CACNA2D3: variants seen among roughly 807,000 people sequenced by gnomAD.
The protein encoded by CACNA2D3 is voltage-dependent calcium channel subunit alpha-2/delta-3.
In CACNA2D3, 60 loss-of-function variants were observed where a neutral mutation model predicts 160.6. The ratio of observed to expected loss-of-function variants is 0.37; its 90% CI spans 0.30 to 0.46. The LOEUF (loss-of-function observed/expected upper bound fraction) is 0.46, where lower values mean the gene tolerates loss of function less well. Ranked by LOEUF, CACNA2D3 falls within the 20% of genes least tolerant of loss-of-function variation. The pLI is 1.00. For missense variants in CACNA2D3, 1,205 were observed against 1,365.0 expected, an observed-to-expected ratio of 0.88 and a Z score of 1.85; for synonymous variants, 558 against 492.9, an observed-to-expected ratio of 1.13 and a Z score of -1.75.
At chr3:54,728,451 G>C (rs992531338) in intron 11 of CACNA2D3, among the ~76,000 whole-genome samples, 1 of 151,980 alleles carries the variant, frequency 6.6e-6, no homozygotes, top group Admixed American at 6.6e-5. Context: ...CTTTTCATCT[G>C]TTTCCTTCAA....
rs73843731 is a variant in CACNA2D3 at position 54,873,596 on chromosome 3, A to G, written c.1710+1974A>G. ...TTGCTTTCTCGTTGGAGCTGCAGGC[A>G]TTGGATTCGCAGCCTCACGTGTGTG... is the stretch of plus-strand genomic sequence containing the variant. On this transcript the variant is annotated intron_variant, in intron 18 of 37. Transcript: ENST00000474759. 9.9e-3 allele frequency among the ~76,000 whole-genome samples: 1,500 copies of G among 152,228 alleles called. 25 individuals are homozygous for G. Among genetic ancestry groups the G allele is most frequent in the African/African-American group, 0.034 (1,421 of 41,530 alleles).
chr3:54,125,523 G>A (rs1233156121), intron 2 of CACNA2D3, among the ~76,000 whole-genome samples: 1 of 152,144 alleles, frequency 6.6e-6, no homozygotes, highest in Non-Finnish European at 1.5e-5. Context: ...GGTGTTGCTT[G>A]GCATTGCGTT....
intron 12 of CACNA2D3, among the ~76,000 whole-genome samples, chr3:54,763,394 T>G (rs961021803): frequency 6.6e-6 from 1 of 152,032 alleles, no homozygotes; most frequent in Non-Finnish European, 1.5e-5. Flanking sequence ...AGGGACAACG[T>G]TGATCAAGTG....
At position 55,053,789 on chromosome 3, in the gene CACNA2D3, T is replaced by C. The variant is rs567497479; in HGVS notation, c.2988-19656T>C. On this transcript the variant is annotated intron_variant, in intron 35 of 37. Coordinates refer to ENST00000474759, the MANE Select transcript of CACNA2D3 (RefSeq NM_018398.3). Reference sequence around the variant, plus strand: ...AATTTTATGTCCTTTCTTGCCTTACTGCACAGGCTGTAACTTCAAGTACAA... The same window carrying C: ...AATTTTATGTCCTTTCTTGCCTTACCGCACAGGCTGTAACTTCAAGTACAA... 6.6e-5 allele frequency among the ~76,000 whole-genome samples: 10 copies of C among 152,122 alleles called. No individual in the cohort carries two copies. The South Asian group carries it at 1.9e-3, about 28-fold the overall frequency.
chr3:54,928,862 C>A (rs371110986), intron 27 of CACNA2D3, among the ~76,000 whole-genome samples: 1 of 152,146 alleles, frequency 6.6e-6, no homozygotes, highest in African/African-American at 2.4e-5. Context: ...GAGCATCAGG[C>A]GTCAGTCGAC....
intron 35 of CACNA2D3, among the ~76,000 whole-genome samples, chr3:55,031,000 G>A (rs557269337): frequency 6.6e-6 from 1 of 152,308 alleles, no homozygotes; most frequent in East Asian, 1.9e-4. Flanking sequence ...ATTTCTTAAT[G>A]TGTGGGGAAG....
intron 27 of CACNA2D3, among the ~76,000 whole-genome samples, chr3:54,936,148 T>C (rs1701322796): frequency 6.7e-6 from 1 of 150,210 alleles, no homozygotes; most frequent in Non-Finnish European, 1.5e-5. Flanking sequence ...CAGTTTTTTA[T>C]CACGAGAATC....
chr3:54,731,187 T>C (rs1701377230), intron 11 of CACNA2D3, among the ~76,000 whole-genome samples: 1 of 152,240 alleles, frequency 6.6e-6, no homozygotes, highest in Non-Finnish European at 1.5e-5. Flanking sequence ...CACACATCTG[T>C]ATGTACATAC....
intron 11 of CACNA2D3, among the ~76,000 whole-genome samples, chr3:54,687,121 C>CTTTTTCTTTTTCTTTTTCTT: frequency 7.4e-5 from 7 of 94,970 alleles, no homozygotes; most frequent in African/African-American, 2.8e-4. Context: ...TTTTCTTTTT[C>CTTTTTCTTTTTCTTTTTCTT]TTTTTTTTTT....
At chr3:54,501,894 G>T (rs182523605) in intron 4 of CACNA2D3, among the ~76,000 whole-genome samples, 33 of 152,214 alleles carry the variant, frequency 2.2e-4, no homozygotes, top group Middle Eastern at 3.4e-3. Flanking sequence ...TAATTTCATG[G>T]GATACAGAAT....
At chr3:54,403,356 A>AC (rs1699507065) in intron 4 of CACNA2D3, among the ~76,000 whole-genome samples, 16 of 137,700 alleles carry the variant, frequency 1.2e-4, no homozygotes, top group Non-Finnish European at 2.2e-4. Context: ...CCCTATCTCA[A>AC]ACACACACAC....
intron 4 of CACNA2D3, among the ~76,000 whole-genome samples, chr3:54,451,507 G>T (rs1215656604): frequency 1.3e-5 from 2 of 151,926 alleles, no homozygotes; most frequent in Non-Finnish European, 1.5e-5. Flanking sequence ...ATTTTTCCTG[G>T]ATAATCCCAT....
At chr3:54,809,717 C>T (rs996056325) in intron 13 of CACNA2D3, among the ~76,000 whole-genome samples, 1 of 151,112 alleles carries the variant, frequency 6.6e-6, no homozygotes, top group African/African-American at 2.4e-5. Flanking sequence ...TCCTTCCTCT[C>T]TCCCCCCTTC....
intron 35 of CACNA2D3, among the ~76,000 whole-genome samples, chr3:55,027,426 A>G (rs1703585993): frequency 6.6e-6 from 1 of 152,188 alleles, no homozygotes; most frequent in African/African-American, 2.4e-5. Flanking sequence ...AAGGAGGAAA[A>G]TAATGTTATT....
chr3:55,014,689 A>G (rs866400596), intron 34 of CACNA2D3, among the ~76,000 whole-genome samples: 1 of 152,170 alleles, frequency 6.6e-6, no homozygotes. Flanking sequence ...CCGAGATCAC[A>G]GCACTGTACT....
rs1375502315 is a variant in CACNA2D3 at position 54,265,631 on chromosome 3, G to GTATATATATAGTGTGTA, written c.205-54802_205-54786dup. Among the ~76,000 whole-genome samples the GTATATATATAGTGTGTA allele has an allele frequency of 5.9e-5, 6 of 101,092 alleles. 1 individual carries two copies. 66.3% of individuals were successfully genotyped at this position (101,092 alleles called of 152,430 possible). A position where few individuals can be genotyped will look rare whatever the true frequency, so the allele number is the denominator to read the frequency against. Reference sequence around the variant, plus strand: ...TATAGTGTGTATATATATATAGTGTGTATATATATAGTGTGTATATATATA... The same window carrying GTATATATATAGTGTGTA: ...TATAGTGTGTATATATATATAGTGTGTATATATATAGTGTGTATATATATATAGTGTGTATATATATA... On this transcript the variant is annotated intron_variant, in intron 2 of 37. Coordinates refer to ENST00000474759, the MANE Select transcript of CACNA2D3 (RefSeq NM_018398.3).
At chr3:54,176,247 C>G (rs73844326) in intron 2 of CACNA2D3, among the ~76,000 whole-genome samples, 9,533 of 152,228 alleles carry the variant, frequency 0.063, 1,004 homozygotes, top group African/African-American at 0.21. Flanking sequence ...GGCTTTTCTT[C>G]TTTCCTCGCT....
At chr3:54,244,668 T>A (rs1196780694) in intron 2 of CACNA2D3, among the ~76,000 whole-genome samples, 1 of 152,202 alleles carries the variant, frequency 6.6e-6, no homozygotes, top group African/African-American at 2.4e-5. Flanking sequence ...ACATCCAATA[T>A]CCAGTCTTGT....
chr3:54,737,926 A>G (rs1575449846), intron 11 of CACNA2D3, among the ~76,000 whole-genome samples: 1 of 152,116 alleles, frequency 6.6e-6, no homozygotes. Context: ...TCGGCCTCCC[A>G]AAGTGCTGGA....
Sources: allele counts gnomAD v4.1 joint callset (sites outside exome capture counted in the v4.1 genomes callset), GRCh38; gene constraint gnomAD v4.1.1; transcripts MANE v1.5; gene names NCBI Gene and HGNC (gene_info 2026-07-23, HGNC 2026-07-21).